SLF1: variants seen among roughly 807,000 people sequenced by gnomAD.
SLF1 encodes SMC5/6 complex localization factor 1.
In SLF1, 105 loss-of-function variants were observed where a neutral mutation model predicts 123.0. The ratio of observed to expected loss-of-function variants is 0.85; its 90% confidence interval spans 0.73 to 1.00. The LOEUF (loss-of-function observed/expected upper bound fraction) is 1.00, where lower values mean the gene tolerates loss of function less well. Ranked by LOEUF, SLF1 falls within the 50% of genes least tolerant of loss-of-function variation. The pLI, the probability that SLF1 is intolerant of heterozygous loss-of-function variation, is 0.00. For missense variants in SLF1, 1,239 were observed against 1,223.0 expected (o/e 1.01, Z -0.20); for synonymous variants, 434 against 406.6 (o/e 1.07, Z -0.81).
At chr5:94,623,962 CAT>C (rs1456997523) in intron 1 of SLF1, among the ~76,000 whole-genome samples, 2 of 152,108 alleles carry the variant, frequency 1.3e-5, no homozygotes, top group African/African-American at 4.8e-5. Flanking sequence ...CTTGTCATAT[CAT>C]GTGCTGTAAA....
chr5:94,684,236 TGATA>T (rs1336561738), intron 15 of SLF1, among the ~76,000 whole-genome samples: 5 of 152,238 alleles, frequency 3.3e-5, no homozygotes, highest in Admixed American at 6.5e-5. Flanking sequence ...CACTCTGTGA[TGATA>T]GATAGGCTTT....
chr5:94,669,820 T>A (rs966183148), intron 12 of SLF1, among the ~76,000 whole-genome samples: 1 of 152,010 alleles, frequency 6.6e-6, no homozygotes, highest in Non-Finnish European at 1.5e-5. Flanking sequence ...GCTGGTCATT[T>A]AAATCAAAAG....
chr5:94,658,570 T>G (rs1029262374), intron 9 of SLF1, among the ~76,000 whole-genome samples: 3 of 152,134 alleles, frequency 2.0e-5, no homozygotes, highest in African/African-American at 7.2e-5. Flanking sequence ...GACTTTATGC[T>G]TTTTCTCTTG....
chr5:94,633,495 C>G (rs1434275075), intron 4 of SLF1, among the ~76,000 whole-genome samples: 1 of 151,954 alleles, frequency 6.6e-6, no homozygotes, highest in African/African-American at 2.4e-5. Flanking sequence ...GATTTTTTCC[C>G]CCATGATTGG....
rs72773539 is a variant in SLF1 at position 94,659,304 on chromosome 5, A to G, written c.1156-2994A>G. The stretch of plus-strand genomic sequence containing the variant: ...TATCTCACTGAGTTTTTTTAATATC[A>G]TCATTTTAATTTTTTTTAGGAATTT... On this transcript the variant is annotated intron_variant, in intron 9 of 20. Coordinates refer to ENST00000265140, the MANE Select transcript of SLF1 (RefSeq NM_032290.4). Among the ~76,000 whole-genome samples the G allele has an allele frequency of 2.7e-3, 417 of 151,972 alleles. 1 individual carries two copies. Among genetic ancestry groups the G allele is most frequent in the Non-Finnish European group, 5.2e-3 (351 of 67,970 alleles).
intron 6 of SLF1, among the ~76,000 whole-genome samples, chr5:94,650,538 A>G (rs1438535977): frequency 2.0e-5 from 3 of 151,672 alleles, no homozygotes; most frequent in South Asian, 2.1e-4. Flanking sequence ...AATTTTTTGT[A>G]TTTTCTTAGT....
chr5:94,679,225 A>G (rs755875333), intron 15 of SLF1, among the ~76,000 whole-genome samples: 1 of 152,156 alleles, frequency 6.6e-6, no homozygotes, highest in African/African-American at 2.4e-5. Flanking sequence ...TTCATACTAT[A>G]TATGTAATTT....
chr5:94,684,499 C>T lies in SLF1; in HGVS notation c.1976-2074C>T, dbSNP rs538885138. On this transcript the variant is annotated intron_variant, in intron 15 of 20. Transcript: ENST00000265140. ...AGATCACAAGGTCAGGAGATTGAGA[C>T]CATCCTGGCTAACACGGTGAAACCC... 2.6e-5 allele frequency among the ~76,000 whole-genome samples: 4 copies of T among 152,024 alleles called. No individual in the cohort carries two copies. The South Asian group carries it at 6.2e-4, about 24-fold the overall frequency.
rs925535864 is a variant in SLF1, at chr5:94,689,492, T to C, written c.2305T>C (p.Cys769Arg). The change falls in exon 18 of 21, where the codon TGT (cysteine) becomes CGT (arginine). Residue 769 changes from cysteine (C) to arginine (R), a missense_variant. Transcript: ENST00000265140. ...TTTCAGAGACCTGAACCTTGCTAAA[T>C]GTTCCTCATCATTAAAAAAATTGAA... ...PELLDLNLAKCSSSLKKLKKK... is the reference protein window; with the variant it reads ...PELLDLNLAKRSSSLKKLKKK... The C allele has an allele frequency of 3.7e-6, 6 of 1,612,290 alleles. No individual in the cohort carries two copies. Among genetic ancestry groups the C allele is most frequent in the Non-Finnish European group, 5.1e-6 (6 of 1,179,262 alleles).
Position 94,651,820 on chromosome 5 carries a change from T to C in SLF1, c.857T>C (p.Phe286Ser). Residue 286 changes from phenylalanine to serine, a missense_variant, in exon 7 of 21, where the codon TTT (phenylalanine) becomes TCT (serine). Phe to Ser is a radical substitution (Grantham distance 155). Coordinates refer to ENST00000265140, the MANE Select transcript of SLF1 (RefSeq NM_032290.4). ...DLKFVKMRNT[F>S]GSHTYENQKE... ...AAATTTGTTAAAATGAGAAATACCT[T>C]TGGAAGCCATACATATGAAAATCAG... is the stretch of plus-strand genomic sequence containing the variant. 1 of 1,473,676 alleles carries C rather than the reference T, an allele frequency of 6.8e-7. No homozygotes were observed. The highest frequency in any genetic ancestry group is 9.1e-7 in the Non-Finnish European group (1 of 1,098,576). 91.3% of individuals were successfully genotyped at this position (1,473,676 alleles called of 1,614,324 possible).
chr5:94,691,713 A>G, intron 19 of SLF1, 57 bp downstream of exon 19: 3 of 1,284,020 alleles, frequency 2.3e-6, no homozygotes, highest in Non-Finnish European at 3.2e-6. Flanking sequence ...GATATTAAAC[A>G]GTTTTATATC....
At chr5:94,624,925 G>A (rs982366353) in intron 1 of SLF1, among the ~76,000 whole-genome samples, 2 of 151,886 alleles carry the variant, frequency 1.3e-5, no homozygotes, top group Non-Finnish European at 2.9e-5. Context: ...GGTGGCTCAT[G>A]CCTGTAATCC....
intron 4 of SLF1, among the ~76,000 whole-genome samples, chr5:94,635,864 T>A (rs1296350273): frequency 6.6e-6 from 1 of 152,244 alleles, no homozygotes; most frequent in African/African-American, 2.4e-5. Flanking sequence ...GTATTCTGAA[T>A]ATGATTCTAC....
chr5:94,666,473 A>C (rs1329503944), intron 12 of SLF1, among the ~76,000 whole-genome samples: 1 of 152,140 alleles, frequency 6.6e-6, no homozygotes, highest in Non-Finnish European at 1.5e-5. Flanking sequence ...TAAATATGTC[A>C]TCTCTTTTAT....
chr5:94,682,949 A>G (rs1406629659), intron 15 of SLF1, among the ~76,000 whole-genome samples: 1 of 152,228 alleles, frequency 6.6e-6, no homozygotes, highest in Non-Finnish European at 1.5e-5. Flanking sequence ...GCAGCCATAG[A>G]CAATACATAA....
At chr5:94,621,931 C>A (rs1408833241) in intron 1 of SLF1, among the ~76,000 whole-genome samples, 2 of 151,884 alleles carry the variant, frequency 1.3e-5, no homozygotes, top group African/African-American at 4.8e-5. Context: ...TGCATCTCTC[C>A]TATCTTTGAA....
chr5:94,692,330 A>G, intron 20 of SLF1, 74 bp downstream of exon 20: 1 of 1,389,216 alleles, frequency 7.2e-7, no homozygotes, highest in Non-Finnish European at 9.8e-7. Flanking sequence ...GGTAGATAGC[A>G]TTTTATGTTT....
intron 4 of SLF1, among the ~76,000 whole-genome samples, chr5:94,634,354 C>A (rs1024518448): frequency 6.6e-6 from 1 of 152,210 alleles, no homozygotes; most frequent in Non-Finnish European, 1.5e-5. Flanking sequence ...ATTCTGCTCT[C>A]TGCACCTATG....
At chr5:94,650,690 C>G (rs546824476) in intron 6 of SLF1, among the ~76,000 whole-genome samples, 73 of 152,252 alleles carry the variant, frequency 4.8e-4, no homozygotes, top group African/African-American at 1.6e-3. Context: ...ACTTTCCAAA[C>G]TTAAAATATT....
Sources: allele counts gnomAD v4.1 joint callset (sites outside exome capture counted in the v4.1 genomes callset), GRCh38; gene constraint gnomAD v4.1.1; transcripts MANE v1.5; gene names NCBI Gene and HGNC (gene_info 2026-07-23, HGNC 2026-07-21).